The following TULP3 variants were observed in gnomAD, a reference collection of about 807,000 sequenced individuals.
The protein encoded by TULP3 is tubby-related protein 3.
In TULP3, 38 loss-of-function variants were observed where a neutral mutation model predicts 50.7. The ratio of observed to expected loss-of-function variants is 0.75; its 90% confidence interval spans 0.58 to 0.98. The LOEUF (loss-of-function observed/expected upper bound fraction) is 0.98, where lower values mean the gene tolerates loss of function less well. Among genes scored for constraint, TULP3 ranks in the 50% least tolerant of loss-of-function variants. The pLI, the probability that TULP3 is intolerant of heterozygous loss-of-function variation, is 0.00. For synonymous variants in TULP3, 183 were observed against 196.6 expected, an observed-to-expected ratio of 0.93 and a Z score of 0.58; for missense variants, 550 against 568.0, an observed-to-expected ratio of 0.97 and a Z score of 0.32.
intron 1 of TULP3, among the ~76,000 whole-genome samples, chr12:2,906,544 G>C (rs1223505191): frequency 6.6e-6 from 1 of 151,242 alleles, no homozygotes; most frequent in African/African-American, 2.4e-5. Context: ...GGCCAGGCTG[G>C]TCTCGAACTT....
intron 4 of TULP3, among the ~76,000 whole-genome samples, chr12:2,923,315 C>T (rs116464170): frequency 1.1e-3 from 163 of 152,178 alleles, no homozygotes; most frequent in African/African-American, 3.9e-3. Flanking sequence ...CACGGAATGG[C>T]ATAATAAATG....
At chr12:2,899,084 G>A (rs1419826409) in intron 1 of TULP3, among the ~76,000 whole-genome samples, 3 of 152,026 alleles carry the variant, frequency 2.0e-5, no homozygotes, top group African/African-American at 7.2e-5. Flanking sequence ...AGTGGCTCAC[G>A]CCTGTAATCC....
At chr12:2,918,912 G>C (rs140644634) in intron 2 of TULP3, among the ~76,000 whole-genome samples, 1 of 149,206 alleles carries the variant, frequency 6.7e-6, no homozygotes, top group African/African-American at 2.5e-5. Context: ...TTGAGACAGA[G>C]TCTCGAGTCT....
intron 1 of TULP3, among the ~76,000 whole-genome samples, chr12:2,896,841 C>T (rs947920831): frequency 1.6e-4 from 25 of 152,178 alleles, no homozygotes; most frequent in African/African-American, 6.0e-4. Flanking sequence ...ATAGTGCCTA[C>T]TTTGTCAAGG....
At chr12:2,927,069 A>G (rs2098195106) in intron 4 of TULP3, among the ~76,000 whole-genome samples, 1 of 152,016 alleles carries the variant, frequency 6.6e-6, no homozygotes, top group African/African-American at 2.4e-5. Flanking sequence ...CCACCAGTCT[A>G]CTTGCTGTCT....
Position 2,940,336 on chromosome 12 carries a change from AAAG to A in TULP3, c.*893_*895del, listed in dbSNP as rs1322152094. 7.2e-5 allele frequency: 105 copies of A among 1,455,828 alleles called. No homozygotes were observed. In the African/African-American group the frequency reaches 1.4e-3, roughly 19 times the overall value. The allele number at this position is 1,455,828 out of a possible 1,614,324, so 90.2% of individuals were successfully genotyped here. ...TTAGTTTAGTTAAAAAAAAAAAAAA[AAAG>A]GTGGCAGGAGAGGCTTTGGGGAGGA... On this transcript the variant is annotated 3_prime_UTR_variant, in exon 11 of 11. Coordinates refer to ENST00000448120, the MANE Select transcript of TULP3 (RefSeq NM_003324.5).
intron 1 of TULP3, among the ~76,000 whole-genome samples, chr12:2,902,581 A>G (rs1358526497): frequency 6.6e-6 from 1 of 152,172 alleles, no homozygotes; most frequent in Non-Finnish European, 1.5e-5. Flanking sequence ...AGCTCGAAAA[A>G]TTTACACTTA....
chr12:2,937,098 C>CT, intron 8 of TULP3, among the ~76,000 whole-genome samples: 1 of 143,256 alleles, frequency 7.0e-6, no homozygotes, highest in Admixed American at 7.1e-5. Context: ...GAGCGTGACT[C>CT]TGTCTCAAAA....
intron 4 of TULP3, among the ~76,000 whole-genome samples, chr12:2,923,760 C>T (rs1343061399): frequency 6.6e-6 from 1 of 151,612 alleles, no homozygotes; most frequent in Non-Finnish European, 1.5e-5. Context: ...TCACTTGAGT[C>T]CAAGGGTTCA....
intron 8 of TULP3, among the ~76,000 whole-genome samples, chr12:2,935,250 C>A (rs1266231753): frequency 6.6e-6 from 1 of 152,216 alleles, no homozygotes; most frequent in Non-Finnish European, 1.5e-5. Context: ...CAACCACACT[C>A]ATCTTTCCTC....
chr12:2,940,932 G>A lies in TULP3; in HGVS notation c.*1488G>A. ...CACTGCCTGGCAGATAACCCTGGTT[G>A]GCCACAGAAGCTATTAATACACGAC... On this transcript the variant is annotated 3_prime_UTR_variant, in exon 11 of 11. Transcript: ENST00000448120. 1 of 565,810 alleles carries A rather than the reference G, an allele frequency of 1.8e-6. No individual in the cohort carries two copies. Among genetic ancestry groups the A allele is most frequent in the Non-Finnish European group, 3.1e-6 (1 of 321,076 alleles). 35.0% of individuals were successfully genotyped at this position (565,810 alleles called of 1,614,324 possible). A position where few individuals can be genotyped will look rare whatever the true frequency, so the allele number is the denominator to read the frequency against.
chr12:2,922,895 G>A (rs376522930), intron 4 of TULP3, among the ~76,000 whole-genome samples: 39 of 139,712 alleles, frequency 2.8e-4, no homozygotes, highest in Admixed American at 2.0e-3. Flanking sequence ...ACTCTGTCGC[G>A]CTGGCTGGAG....
chr12:2,929,884 C>T (rs566260552), intron 4 of TULP3, among the ~76,000 whole-genome samples: 3 of 152,264 alleles, frequency 2.0e-5, no homozygotes, highest in Non-Finnish European at 4.4e-5. Context: ...CCACCGCGCC[C>T]AGCCTGCCCT....
rs2098203327 is a variant in TULP3 at position 2,939,344 on chromosome 12, C to T, written c.1229C>T (p.Ala410Val). 6.2e-7 allele frequency: 1 copy of T among 1,614,216 alleles called. No individual in the cohort carries two copies. Among genetic ancestry groups the T allele is most frequent in the Non-Finnish European group, 8.5e-7 (1 of 1,180,040 alleles). ...DYIVMQFGRV[A>V]DDVFTLDYNY... ...ATAGTCATGCAGTTTGGACGTGTGG[C>T]AGATGACGTGTTCACACTGGATTAC... is the stretch of plus-strand genomic sequence containing the variant. Residue 410 changes from alanine to valine, a missense_variant, in exon 11 of 11, where the codon GCA becomes GTA. Ala to Val is a moderately conservative substitution (Grantham distance 64, BLOSUM62 0). Transcript: ENST00000448120. The surrounding 1 kb of genome is among the most constrained non-coding windows in gnomAD (Gnocchi z 4.0).
chr12:2,916,849 T>C (rs980762072), intron 2 of TULP3, among the ~76,000 whole-genome samples: 1 of 152,232 alleles, frequency 6.6e-6, no homozygotes, highest in Non-Finnish European at 1.5e-5. Context: ...AATACTGAGG[T>C]ATAGTAGCTG....
chr12:2,897,184 A>G (rs1043324375), intron 1 of TULP3, among the ~76,000 whole-genome samples: 9 of 151,808 alleles, frequency 5.9e-5, no homozygotes, highest in Non-Finnish European at 1.2e-4. Flanking sequence ...TAATTTTTGT[A>G]TTTTTAGTAG....
intron 8 of TULP3, among the ~76,000 whole-genome samples, chr12:2,935,600 A>C (rs1456944091): frequency 6.6e-6 from 1 of 152,120 alleles, no homozygotes; most frequent in Non-Finnish European, 1.5e-5. Flanking sequence ...ATCCCATGAG[A>C]TCTTATCTAC....
At chr12:2,916,045 T>C (rs1050179883) in intron 2 of TULP3, among the ~76,000 whole-genome samples, 2 of 152,054 alleles carry the variant, frequency 1.3e-5, no homozygotes, top group Admixed American at 6.6e-5. Flanking sequence ...ATGGTTGCTC[T>C]GTTGCCCAGG....
chr12:2,937,071 A>C (rs1239487468), intron 8 of TULP3, among the ~76,000 whole-genome samples: 1 of 151,014 alleles, frequency 6.6e-6, no homozygotes, highest in East Asian at 2.0e-4. Context: ...GTGCCACTGC[A>C]CTCCAGCCTG....
Sources: allele counts gnomAD v4.1 joint callset (sites outside exome capture counted in the v4.1 genomes callset), GRCh38; gene constraint gnomAD v4.1.1; non-coding constraint Gnocchi (gnomAD v3.1); transcripts MANE v1.5; gene names NCBI Gene and HGNC (gene_info 2026-07-23, HGNC 2026-07-21).